The following ZIC3 variants were observed in gnomAD, a reference collection of about 807,000 sequenced individuals.
ZIC3 encodes Zic family zinc finger 3, also known as zinc finger protein ZIC 3.
Under a neutral mutation model 18.3 loss-of-function variants are expected in ZIC3, and 6 were observed. The ratio of observed to expected loss-of-function variants is 0.33; its 90% CI spans 0.18 to 0.65. The LOEUF (loss-of-function observed/expected upper bound fraction) is 0.65. ZIC3 is among the 30% of genes least tolerant of loss of function. ZIC3 has a pLI of 0.75. For missense variants in ZIC3, 260 were observed against 410.0 expected, an observed-to-expected ratio of 0.63 and a Z score of 3.16; for synonymous variants, 175 against 177.0, an observed-to-expected ratio of 0.99 and a Z score of 0.09.
At chrX:137,576,670 CTT>C (rs1346847508), downstream of ZIC3, among the ~76,000 whole-genome samples, 1 of 112,414 alleles carries the variant, frequency 8.9e-6, no homozygotes, top group Non-Finnish European at 1.9e-5. Context: ...CTAATGGTAA[CTT>C]TTAACAGACG....
chrX:137,568,494 G>C (rs923430309), intron 1 of ZIC3, among the ~76,000 whole-genome samples: 3 of 112,069 alleles, frequency 2.7e-5, no homozygotes, highest in African/African-American at 3.2e-5. Flanking sequence ...GAGGCTGAAC[G>C]GGATTGTCCT....
downstream of ZIC3, among the ~76,000 whole-genome samples, chrX:137,576,886 A>C (rs2124191316): frequency 8.9e-6 from 1 of 112,152 alleles, no homozygotes; most frequent in Admixed American, 9.5e-5. Flanking sequence ...CAGATGGCAA[A>C]TTATAATATT....
At position 137,566,614 on chromosome X, in the gene ZIC3, G is replaced by A. The variant is rs939130625; in HGVS notation, c.-78G>A. 18 of 1,160,425 alleles carry A rather than the reference G, an allele frequency of 1.6e-5. No individual in the cohort carries two copies. In the African/African-American group the frequency reaches 2.9e-4, roughly 18 times the overall value. ...ACCGCCGCCACCCCTTTCCGACTAC[G>A]GCACTTCGGAGATCTCCTCCTTCGC... On this transcript the variant is annotated 5_prime_UTR_variant, in exon 1 of 3. Transcript: ENST00000287538.
chrX:137,577,009 A>T (rs924953002), downstream of ZIC3: 1 of 423,042 alleles, frequency 2.4e-6, no homozygotes, highest in Admixed American at 4.3e-5. Flanking sequence ...GTGTTTTATT[A>T]TAAACCAGAG....
chrX:137,576,339 G>T (rs980972939), downstream of ZIC3, among the ~76,000 whole-genome samples: 4 of 112,083 alleles, frequency 3.6e-5, no homozygotes, highest in Non-Finnish European at 5.6e-5. Flanking sequence ...GAGCTACAGA[G>T]CCCAGATCGT....
chrX:137,569,506 C>T (rs1293438396), intron 2 of ZIC3, among the ~76,000 whole-genome samples: 1 of 112,505 alleles, frequency 8.9e-6, no homozygotes, highest in Non-Finnish European at 1.9e-5. Flanking sequence ...CGCTCAGGGC[C>T]CCTGTGCCAC....
exon 3 of ZIC3, chrX:137,577,164 G>A (rs1661013639): frequency 1.9e-6 from 1 of 521,910 alleles, no homozygotes; most frequent in Non-Finnish European, 3.5e-6. Flanking sequence ...AATTCCTGAC[G>A]AAGAACTTGA....
chrX:137,568,786 C>G, intron 1 of ZIC3, 116 bp from the exon 2 acceptor site: 11 of 820,249 alleles, frequency 1.3e-5, no homozygotes, highest in South Asian at 2.1e-5. Flanking sequence ...GCAGCAGCCC[C>G]CAGTCCGCGC....
downstream of ZIC3, among the ~76,000 whole-genome samples, chrX:137,572,638 C>A (rs185168419): frequency 1.6e-3 from 175 of 111,816 alleles, 1 homozygote; most frequent in African/African-American, 5.2e-3. Context: ...CAATGAACTT[C>A]CATAATTTAC....
At chrX:137,567,979 C>G (rs1472534002) in intron 1 of ZIC3, among the ~76,000 whole-genome samples, 1 of 113,295 alleles carries the variant, frequency 8.8e-6, no homozygotes, top group East Asian at 2.8e-4. Context: ...GTCTCAGGAA[C>G]TAATTGGGAC....
intron 2 of ZIC3, among the ~76,000 whole-genome samples, chrX:137,569,580 T>C (rs1461485101): frequency 8.9e-6 from 1 of 112,253 alleles, no homozygotes; most frequent in East Asian, 2.8e-4. Context: ...GGAGTTAGTA[T>C]TTTATAGGAC....
chrX:137,573,137 C>CAAAAAAAAAAAAAAAAAA (rs369606674), downstream of ZIC3, among the ~76,000 whole-genome samples: 1 of 35,047 alleles, frequency 2.9e-5, no homozygotes, highest in Non-Finnish European at 5.0e-5. Flanking sequence ...GTACCCCCCC[C>CAAAAAAAAAAAAAAAAAA]AAAAAAAAAA....
In ZIC3 at chrX:137,570,681, T is replaced by C. The variant is rs1165580052; in HGVS notation, c.*611T>C. The C allele has an allele frequency of 8.8e-6, 1 of 113,729 alleles. No individual in the cohort carries two copies. The highest frequency in any genetic ancestry group is 3.2e-5 in the African/African-American group (1 of 31,042). The allele number at this position is 113,729 out of a possible 1,213,427, so 9.4% of individuals were successfully genotyped here. ...CTTTTTTTTTGTAAATACATATCCA[T>C]TGATGCCATATTTATCGTTTGTAAT... On this transcript the variant is annotated 3_prime_UTR_variant, in exon 3 of 3. Transcript: ENST00000287538.
exon 3 of ZIC3, chrX:137,577,486 A>G (rs1285684574): frequency 3.5e-6 from 1 of 285,965 alleles, no homozygotes; most frequent in African/African-American, 2.7e-5. Flanking sequence ...AGACTGGCCT[A>G]ATTCATAACC....
chrX:137,576,259 G>C (rs993569789), downstream of ZIC3, among the ~76,000 whole-genome samples: 1 of 111,404 alleles, frequency 9.0e-6, no homozygotes, highest in Non-Finnish European at 1.9e-5. Context: ...GGTACCAAAA[G>C]TGTGGAAAAT....
chrX:137,569,553 T>C (rs927296166), intron 2 of ZIC3, among the ~76,000 whole-genome samples: 1 of 112,657 alleles, frequency 8.9e-6, no homozygotes, highest in Non-Finnish European at 1.9e-5. Context: ...GAAACGGGCT[T>C]GGTGAAACCT....
Position 137,567,120 on chromosome X carries a change from G to C in ZIC3, c.429G>C (p.Ser143=), listed in dbSNP as rs755825923. Residue 143 remains serine, a synonymous_variant, in exon 1 of 3, where the codon TCG becomes TCC. Coordinates refer to ENST00000287538, the MANE Select transcript of ZIC3 (RefSeq NM_003413.4). ...GGCAGCACGGGCTCTTCGCCGGCTC[G>C]GCGAGCAGCCTGCATGCTCCAGCTG... ...GGGQHGLFAG[S]ASSLHAPAGI... 1 of 1,205,340 alleles carries C rather than the reference G, an allele frequency of 8.3e-7. No homozygotes were observed. Among genetic ancestry groups the C allele is most frequent in the Non-Finnish European group, 1.1e-6 (1 of 892,806 alleles).
At chrX:137,575,559 T>G (rs1380437283), downstream of ZIC3, among the ~76,000 whole-genome samples, 4 of 110,931 alleles carry the variant, frequency 3.6e-5, no homozygotes, top group East Asian at 8.5e-4. Flanking sequence ...TTTTAAAAAG[T>G]GTAGTAATTG....
chrX:137,570,323 C>T lies in ZIC3; in HGVS notation c.*253C>T. The T allele has an allele frequency of 2.6e-6, 1 of 389,268 alleles. No homozygotes were observed. Among genetic ancestry groups the T allele is most frequent in the Admixed American group, 4.3e-5 (1 of 23,476 alleles). 32.1% of individuals were successfully genotyped at this position (389,268 alleles called of 1,213,427 possible). ...TTTACACTACTTTTTCTTCCCCTTC[C>T]TCTTGCTCTCTGCACACCCCATTCT... On this transcript the variant is annotated 3_prime_UTR_variant, in exon 3 of 3. Coordinates refer to ENST00000287538, the MANE Select transcript of ZIC3 (RefSeq NM_003413.4).
Sources: gnomAD v4.1 joint callset for allele counts (sites outside exome capture counted in the v4.1 genomes callset) on GRCh38, gnomAD v4.1.1 for gene constraint, MANE v1.5 for transcripts, NCBI Gene and HGNC (gene_info 2026-07-23, HGNC 2026-07-21) for gene names.